The following POU2F2 variants were observed in gnomAD, a reference collection of about 807,000 sequenced individuals.
POU2F2 encodes the protein POU domain, class 2, transcription factor 2.
Under a neutral mutation model 63.5 loss-of-function variants are expected in POU2F2, and 14 were observed. The observed-to-expected ratio is 0.22, with a 90% CI of 0.15 to 0.34. The LOEUF is 0.34. POU2F2 is among the 10% of genes least tolerant of loss of function. The pLI, the probability that POU2F2 is intolerant of heterozygous loss-of-function variation, is 1.00. For synonymous variants in POU2F2, 306 were observed against 348.6 expected (o/e 0.88, Z 1.36); for missense variants, 607 against 815.2 (o/e 0.74, Z 3.11).
upstream of POU2F2, chr19:42,134,458 C>A (rs1300252677): frequency 1.3e-5 from 2 of 152,472 alleles, no homozygotes; most frequent in African/African-American, 4.8e-5. Context: ...TGGCTCCATT[C>A]TCAGTGCCTC....
chr19:42,132,691 G>A, upstream of POU2F2: 1 of 384,222 alleles, frequency 2.6e-6, no homozygotes, highest in Non-Finnish European at 4.6e-6. Flanking sequence ...TGCAACAGTT[G>A]CCCCCCGACT....
At position 42,108,241 on chromosome 19, in the gene POU2F2, G is replaced by A. The variant is rs188180282; in HGVS notation, c.370-8420C>T. On this transcript the variant is annotated intron_variant, in intron 5 of 14. Coordinates refer to ENST00000692977, the MANE Select transcript of POU2F2 (RefSeq NM_001394376.1). ...TCCCCGCTATATCCTCACCCAGAAA[G>A]GCACTTGGGCATGGTGATATTCACT... Among the ~76,000 whole-genome samples, 25 of 152,330 alleles carry A rather than the reference G, an allele frequency of 1.6e-4. No homozygotes were observed. The East Asian group carries it at 4.6e-3, about 28-fold the overall frequency.
intron 1 of POU2F2, among the ~76,000 whole-genome samples, chr19:42,192,865 T>C (rs1288381254): frequency 6.6e-6 from 1 of 152,028 alleles, no homozygotes; most frequent in Non-Finnish European, 1.5e-5. Context: ...TCAGTGCTGG[T>C]GGGAGAGTAA....
At chr19:42,161,466 A>T (rs2034550164) in intron 1 of POU2F2, among the ~76,000 whole-genome samples, 1 of 152,106 alleles carries the variant, frequency 6.6e-6, no homozygotes. Context: ...GCCCATCCCC[A>T]AAGAGGGTTT....
At chr19:42,193,397 T>C (rs2035095682) in intron 1 of POU2F2, among the ~76,000 whole-genome samples, 1 of 152,106 alleles carries the variant, frequency 6.6e-6, no homozygotes, top group Non-Finnish European at 1.5e-5. Context: ...CAATCACATA[T>C]ACCCTTCTAA....
At chr19:42,147,567 C>A (rs760612515) in intron 2 of POU2F2, among the ~76,000 whole-genome samples, 1 of 152,178 alleles carries the variant, frequency 6.6e-6, no homozygotes, top group Non-Finnish European at 1.5e-5. Context: ...GCCCAACAAA[C>A]GCTGGGCACA....
intron 1 of POU2F2, among the ~76,000 whole-genome samples, chr19:42,181,866 G>A (rs745724937): frequency 5.8e-4 from 89 of 152,202 alleles, no homozygotes; most frequent in Non-Finnish European, 1.1e-3. Context: ...GATTACAGGC[G>A]TGAGCCAACA....
At chr19:42,190,536 T>C (rs1462959238) in intron 1 of POU2F2, among the ~76,000 whole-genome samples, 1 of 151,968 alleles carries the variant, frequency 6.6e-6, no homozygotes, top group East Asian at 1.9e-4. Flanking sequence ...GTTAGGGATA[T>C]GCTGGCAAAT....
chr19:42,091,516 G>A lies in POU2F2; in HGVS notation c.1616C>T (p.Ala539Val). ...CACCAGGCCAGGGCTCCCCGGGGCT[G>A]CACCGGCTGCCCCCAGCACCAGATT... ...SGNLVLGAAG[A>V]APGSPGLVTS... Residue 539 changes from alanine (A) to valine (V), a missense_variant, in exon 15 of 15, where the codon GCA becomes GTA. By Grantham distance (64) the Ala-to-Val change is moderately conservative (BLOSUM62 0). Coordinates refer to ENST00000692977, the MANE Select transcript of POU2F2 (RefSeq NM_001394376.1). 2 of 1,546,216 alleles carry A rather than the reference G, an allele frequency of 1.3e-6. No individual in the cohort carries two copies. Among genetic ancestry groups the A allele is most frequent in the Non-Finnish European group, 1.7e-6 (2 of 1,143,412 alleles).
intron 1 of POU2F2, among the ~76,000 whole-genome samples, chr19:42,186,309 G>A (rs2035012874): frequency 6.6e-6 from 1 of 151,978 alleles, no homozygotes; most frequent in South Asian, 2.1e-4. Context: ...AGGCTACCCT[G>A]GCTGGACAGA....
intron 3 of POU2F2, 37 bp downstream of exon 3, chr19:42,122,307 C>CG: frequency 6.4e-7 from 1 of 1,567,652 alleles, no homozygotes; most frequent in Non-Finnish European, 8.8e-7. Flanking sequence ...CTCCCCATTC[C>CG]TTCCCACCCC....
At chr19:42,174,963 G>A (rs1300854748) in intron 1 of POU2F2, among the ~76,000 whole-genome samples, 1 of 152,256 alleles carries the variant, frequency 6.6e-6, no homozygotes, top group African/African-American at 2.4e-5. Context: ...TGGTCATCAG[G>A]CCAAAGGCTT....
intron 1 of POU2F2, among the ~76,000 whole-genome samples, chr19:42,187,010 T>A (rs2035019420): frequency 1.3e-5 from 2 of 152,184 alleles, no homozygotes; most frequent in African/African-American, 4.8e-5. Flanking sequence ...TACAGTTGTG[T>A]GCAGTGTCAT....
Position 42,096,674 on chromosome 19 carries a change from TGCTGTTCTGTCTACCCAGTGGG to T in POU2F2, c.568-453_568-432del, listed in dbSNP as rs1445050982. On this transcript the variant is annotated intron_variant, in intron 7 of 14. Coordinates refer to ENST00000692977, the MANE Select transcript of POU2F2 (RefSeq NM_001394376.1). This position sits in a 1 kb window ranked among gnomAD's most constrained non-coding sequence, Gnocchi z 4.1. ...CCCTCTGCAGGATGGGAACAATCAC[TGCTGTTCTGTCTACCCAGTGGG>T]GCTGTTGAGAGAATCGGGTTAAAAA... Among the ~76,000 whole-genome samples the T allele has an allele frequency of 2.0e-5, 3 of 152,218 alleles. No individual in the cohort carries two copies. The highest frequency in any genetic ancestry group is 7.2e-5 in the African/African-American group (3 of 41,456).
chr19:42,163,062 C>T (rs548731957), intron 1 of POU2F2, among the ~76,000 whole-genome samples: 62 of 152,180 alleles, frequency 4.1e-4, no homozygotes, highest in African/African-American at 1.2e-3. Context: ...GTCACACAGC[C>T]AAGTGGGGGC....
intron 4 of POU2F2, among the ~76,000 whole-genome samples, chr19:42,119,713 G>A (rs990437643): frequency 3.3e-5 from 5 of 151,892 alleles, no homozygotes; most frequent in Non-Finnish European, 7.4e-5. Context: ...GCAATGAGCC[G>A]AGATCATGCC....
In POU2F2 at chr19:42,130,202, CAT is replaced by C. The variant is rs572665024; in HGVS notation, c.28+2180_28+2181del. ...ACACCCAGTCACTCACAGACTCAGA[CAT>C]GTGTACGCACACATGTACTTACACA... On this transcript the variant is annotated intron_variant, in intron 1 of 14. Transcript: ENST00000692977. Among the ~76,000 whole-genome samples the C allele has an allele frequency of 3.9e-5, 6 of 152,236 alleles. No homozygotes were observed. The South Asian group carries it at 1.0e-3, about 26-fold the overall frequency.
chr19:42,108,340 C>T (rs2030480389), intron 5 of POU2F2, among the ~76,000 whole-genome samples: 1 of 152,158 alleles, frequency 6.6e-6, no homozygotes, highest in Non-Finnish European at 1.5e-5. Flanking sequence ...CCTATAGTTC[C>T]AGCACTTTGG....
intron 2 of POU2F2, among the ~76,000 whole-genome samples, chr19:42,150,541 A>ATGT (rs1251393948): frequency 6.8e-6 from 1 of 147,862 alleles, no homozygotes; most frequent in East Asian, 2.1e-4. Flanking sequence ...AACTGGATCG[A>ATGT]TCGGGGCTGG....
Sources: allele counts gnomAD v4.1 joint callset (sites outside exome capture counted in the v4.1 genomes callset), GRCh38; gene constraint gnomAD v4.1.1; non-coding constraint Gnocchi (gnomAD v3.1); transcripts MANE v1.5; gene names NCBI Gene and HGNC (gene_info 2026-07-23, HGNC 2026-07-21).